Variants in TSHZ2 observed in about 807,000 individuals in gnomAD.
The protein encoded by TSHZ2 is teashirt homolog 2.
TSHZ2 carries 21 observed loss-of-function variants against 74.4 expected under a neutral mutation model. That is an observed-to-expected ratio of 0.28 (90% CI 0.20 to 0.41). TSHZ2 has a LOEUF of 0.41. Among genes scored for constraint, TSHZ2 ranks in the 10% least tolerant of loss-of-function variants. The pLI is 1.00. For synonymous variants in TSHZ2, 540 were observed against 515.3 expected (o/e 1.05, Z -0.65); for missense variants, 1,244 against 1,293.5 (o/e 0.96, Z 0.59).
At chr20:53,409,811 A>C (rs1009116271) in intron 2 of TSHZ2, among the ~76,000 whole-genome samples, 3 of 149,226 alleles carry the variant, frequency 2.0e-5, no homozygotes, top group Non-Finnish European at 4.4e-5. Context: ...AGGTCTTCAG[A>C]ATTCACATCT....
intron 1 of TSHZ2, among the ~76,000 whole-genome samples, chr20:53,207,057 G>A (rs563298100): frequency 2.6e-5 from 4 of 152,180 alleles, no homozygotes; most frequent in Middle Eastern, 6.8e-3. Context: ...ACAAATTATC[G>A]ACTCAAACTG....
chr20:53,100,995 A>AG (rs1986200376), intron 1 of TSHZ2, among the ~76,000 whole-genome samples: 1 of 151,914 alleles, frequency 6.6e-6, no homozygotes, highest in Non-Finnish European at 1.5e-5. Context: ...AAGCAGGGGT[A>AG]GGGGTGGGAG....
chr20:53,162,462 C>T (rs1346938021), intron 1 of TSHZ2, among the ~76,000 whole-genome samples: 1 of 152,166 alleles, frequency 6.6e-6, no homozygotes, highest in Non-Finnish European at 1.5e-5. Context: ...CCTGGTAACT[C>T]GACTTCAGTT....
intron 2 of TSHZ2, among the ~76,000 whole-genome samples, chr20:53,464,343 GACA>G (rs1057375253): frequency 3.3e-5 from 5 of 152,230 alleles, no homozygotes; most frequent in African/African-American, 1.2e-4. Context: ...AGATCTTTCT[GACA>G]ACGAGCTCTT....
Position 53,458,693 on chromosome 20 carries a change from A to G in TSHZ2, c.*9-28451A>G, listed in dbSNP as rs1313580050. ...TGGATCTTTCCTGCTTTCTCTTGTG[A>G]GCATTTAGTGCTATAAATTTCCCTC... On this transcript the variant is annotated intron_variant, in intron 2 of 2. Coordinates refer to ENST00000371497, the MANE Select transcript of TSHZ2 (RefSeq NM_173485.6). 3.5e-4 allele frequency among the ~76,000 whole-genome samples: 52 copies of G among 150,044 alleles called. 1 individual carries two copies. The highest frequency in any genetic ancestry group is 9.3e-4 in the Admixed American group (14 of 15,082).
intron 2 of TSHZ2, among the ~76,000 whole-genome samples, chr20:53,420,235 A>G (rs1358584741): frequency 1.3e-5 from 2 of 152,330 alleles, no homozygotes; most frequent in Non-Finnish European, 2.9e-5. Flanking sequence ...GAGGATGCTC[A>G]GTTCAAAACA....
chr20:53,156,931 A>G (rs1024345743), intron 1 of TSHZ2, among the ~76,000 whole-genome samples: 12 of 152,206 alleles, frequency 7.9e-5, no homozygotes, highest in African/African-American at 2.4e-4. Flanking sequence ...CACGACTTCT[A>G]TCTGCCTAAG....
At chr20:53,403,906 C>T (rs977625435) in intron 2 of TSHZ2, among the ~76,000 whole-genome samples, 7 of 152,072 alleles carry the variant, frequency 4.6e-5, no homozygotes, top group South Asian at 2.1e-4. Context: ...TAACCACAGC[C>T]GTGAGCCAAA....
At chr20:53,158,654 C>G (rs1208659128) in intron 1 of TSHZ2, among the ~76,000 whole-genome samples, 1 of 152,148 alleles carries the variant, frequency 6.6e-6, no homozygotes, top group Non-Finnish European at 1.5e-5. Context: ...TTTCCAAGAC[C>G]CTGCCTCATT....
chr20:53,270,555 T>C (rs6013653), intron 2 of TSHZ2, among the ~76,000 whole-genome samples: 38,953 of 151,940 alleles, frequency 0.26, 9,145 homozygotes, highest in African/African-American at 0.62. Flanking sequence ...GAATTTTGGC[T>C]GAAATGTCAG....
intron 2 of TSHZ2, among the ~76,000 whole-genome samples, chr20:53,478,665 A>G (rs534543627): frequency 9.9e-5 from 14 of 141,376 alleles, no homozygotes; most frequent in Non-Finnish European, 2.1e-4. Context: ...ATAAAAAATA[A>G]ATAAAAAATA....
At chr20:53,097,712 G>T in intron 1 of TSHZ2, 1 of 155,342 alleles carries the variant, frequency 6.4e-6, no homozygotes. Flanking sequence ...GGTTGATTTG[G>T]CTGATCTGGC....
At chr20:53,269,195 C>T (rs1990778403) in intron 2 of TSHZ2, among the ~76,000 whole-genome samples, 1 of 152,060 alleles carries the variant, frequency 6.6e-6, no homozygotes, top group Non-Finnish European at 1.5e-5. Flanking sequence ...GCTTTCCTCT[C>T]AATTCCCTTC....
intron 1 of TSHZ2, among the ~76,000 whole-genome samples, chr20:53,111,258 T>C (rs1291484700): frequency 6.6e-6 from 1 of 152,214 alleles, no homozygotes; most frequent in Admixed American, 6.5e-5. Flanking sequence ...ATTCAGTCAA[T>C]GAATATACAC....
chr20:53,140,174 T>C (rs1273102336), intron 1 of TSHZ2, among the ~76,000 whole-genome samples: 6 of 152,080 alleles, frequency 3.9e-5, no homozygotes, highest in African/African-American at 1.4e-4. Flanking sequence ...GGGAATAATA[T>C]GTACATAAAT....
At chr20:53,224,719 G>A (rs1279963093) in intron 1 of TSHZ2, among the ~76,000 whole-genome samples, 2 of 151,802 alleles carry the variant, frequency 1.3e-5, no homozygotes, top group African/African-American at 4.8e-5. Flanking sequence ...GTGCGGTGGT[G>A]GACACCTGTA....
intron 1 of TSHZ2, among the ~76,000 whole-genome samples, chr20:53,210,967 TA>T (rs1044980340): frequency 4.6e-5 from 7 of 151,764 alleles, no homozygotes; most frequent in Admixed American, 3.9e-4. Context: ...CTTTAGTAAT[TA>T]AAGAGAGAGA....
intron 1 of TSHZ2, among the ~76,000 whole-genome samples, chr20:53,039,768 A>G (rs1399629297): frequency 1.7e-5 from 2 of 118,972 alleles, no homozygotes; most frequent in South Asian, 3.2e-4. Context: ...TGACAGAGCT[A>G]GACTCCATCT....
At chr20:53,002,509 G>T (rs1353631436) in intron 1 of TSHZ2, among the ~76,000 whole-genome samples, 1 of 152,034 alleles carries the variant, frequency 6.6e-6, no homozygotes, top group Admixed American at 6.6e-5. Context: ...GTCATGGTCT[G>T]CCCCAAACCA....
Sources: gnomAD v4.1 joint callset for allele counts (sites outside exome capture counted in the v4.1 genomes callset) on GRCh38, gnomAD v4.1.1 for gene constraint, MANE v1.5 for transcripts, NCBI Gene and HGNC (gene_info 2026-07-23, HGNC 2026-07-21) for gene names.